Variants in TRIM2 observed in about 807,000 individuals in gnomAD.
TRIM2 encodes tripartite motif-containing protein 2.
TRIM2 carries 20 observed loss-of-function variants against 75.2 expected under a neutral mutation model. The observed-to-expected ratio is 0.27, with a 90% CI of 0.19 to 0.39. The LOEUF (loss-of-function observed/expected upper bound fraction) is 0.39, where lower values mean the gene tolerates loss of function less well. Ranked by LOEUF, TRIM2 falls within the 10% of genes least tolerant of loss-of-function variation. The pLI, the probability that TRIM2 is intolerant of heterozygous loss-of-function variation, is 1.00. For synonymous variants in TRIM2, 373 were observed against 388.3 expected (o/e 0.96, Z 0.46); for missense variants, 660 against 990.8 (o/e 0.67, Z 4.48).
At chr4:153,259,395 T>C (rs917917367) in intron 1 of TRIM2, among the ~76,000 whole-genome samples, 1 of 152,186 alleles carries the variant, frequency 6.6e-6, no homozygotes, top group African/African-American at 2.4e-5. Context: ...TTTTATCTCT[T>C]TTTATTAGGT....
intron 1 of TRIM2, among the ~76,000 whole-genome samples, chr4:153,226,781 GA>G (rs1742241199): frequency 6.6e-6 from 1 of 152,134 alleles, no homozygotes; most frequent in Non-Finnish European, 1.5e-5. Flanking sequence ...TAAGACTCCT[GA>G]AAAGAGAGAT....
intron 1 of TRIM2, among the ~76,000 whole-genome samples, chr4:153,214,793 C>A (rs181796097): frequency 1.2e-4 from 19 of 152,210 alleles, no homozygotes; most frequent in Admixed American, 1.2e-3. Flanking sequence ...GGGTTGGAGC[C>A]TTAAATCTGT....
At chr4:153,219,094 C>T (rs1276402032) in intron 1 of TRIM2, among the ~76,000 whole-genome samples, 2 of 152,150 alleles carry the variant, frequency 1.3e-5, no homozygotes, top group Non-Finnish European at 2.9e-5. Flanking sequence ...AATCTCATAT[C>T]TCTGTGTGCC....
chr4:153,305,660 C>G (rs1764814883), intron 6 of TRIM2, among the ~76,000 whole-genome samples: 1 of 152,198 alleles, frequency 6.6e-6, no homozygotes, highest in Admixed American at 6.5e-5. Context: ...ACCACAAGAA[C>G]AAGCTCAGCT....
chr4:153,250,308 C>T (rs1003172454), intron 1 of TRIM2, among the ~76,000 whole-genome samples: 2 of 151,966 alleles, frequency 1.3e-5, no homozygotes, highest in African/African-American at 2.4e-5. Flanking sequence ...TTAGTAGTGA[C>T]GGGGTTTTGC....
chr4:153,153,868 C>T (rs750852141), intron 1 of TRIM2, among the ~76,000 whole-genome samples: 3 of 152,198 alleles, frequency 2.0e-5, no homozygotes, highest in Non-Finnish European at 4.4e-5. Context: ...TCGCCGCGCC[C>T]AGAACTCGTT....
intron 1 of TRIM2, among the ~76,000 whole-genome samples, chr4:153,223,310 C>T (rs1560839126): frequency 6.6e-6 from 1 of 152,146 alleles, no homozygotes; most frequent in African/African-American, 2.4e-5. Flanking sequence ...CAGTCACCCG[C>T]GTCATGCAGG....
At chr4:153,252,544 C>G (rs934545116) in intron 1 of TRIM2, among the ~76,000 whole-genome samples, 1 of 152,224 alleles carries the variant, frequency 6.6e-6, no homozygotes, top group Non-Finnish European at 1.5e-5. Flanking sequence ...TGGAGTCTCA[C>G]TCTGTCACCC....
chr4:153,202,697 TCAAA>T (rs1734511602), upstream of TRIM2, among the ~76,000 whole-genome samples: 1 of 90,416 alleles, frequency 1.1e-5, no homozygotes, highest in African/African-American at 5.8e-5. Flanking sequence ...AGACTCTGTC[TCAAA>T]AAAAAAAAAA....
intron 1 of TRIM2, among the ~76,000 whole-genome samples, chr4:153,184,833 T>C (rs1732429789): frequency 6.6e-6 from 1 of 152,226 alleles, no homozygotes; most frequent in Non-Finnish European, 1.5e-5. Flanking sequence ...AAGCACATGT[T>C]CTGCTGCCAC....
At chr4:153,185,483 G>A (rs1232726154) in intron 1 of TRIM2, among the ~76,000 whole-genome samples, 1 of 151,938 alleles carries the variant, frequency 6.6e-6, no homozygotes, top group East Asian at 1.9e-4. Context: ...TGTGATGAGT[G>A]GATCTTGAGC....
At chr4:153,250,215 G>A (rs1750527002) in intron 1 of TRIM2, among the ~76,000 whole-genome samples, 1 of 152,040 alleles carries the variant, frequency 6.6e-6, no homozygotes, top group Non-Finnish European at 1.5e-5. Context: ...AGCTTCTTGG[G>A]TTCAAGTGAT....
intron 1 of TRIM2, among the ~76,000 whole-genome samples, chr4:153,227,196 A>C (rs1314445082): frequency 6.6e-6 from 1 of 152,186 alleles, no homozygotes; most frequent in African/African-American, 2.4e-5. Context: ...TGGCAGTGAA[A>C]GGTGTGTTGG....
intron 8 of TRIM2, among the ~76,000 whole-genome samples, chr4:153,317,131 C>T (rs1041611674): frequency 6.7e-6 from 1 of 150,256 alleles, no homozygotes; most frequent in African/African-American, 2.4e-5. Context: ...CCGCCCGCCT[C>T]GGCCTCCCAA....
At chr4:153,227,900 T>C (rs1335722102) in intron 1 of TRIM2, among the ~76,000 whole-genome samples, 1 of 152,198 alleles carries the variant, frequency 6.6e-6, no homozygotes, top group African/African-American at 2.4e-5. Context: ...CTGTGAACAA[T>C]CTCCTTGCAG....
intron 6 of TRIM2, among the ~76,000 whole-genome samples, chr4:153,302,646 A>AG (rs1764154076): frequency 6.6e-6 from 1 of 152,208 alleles, no homozygotes; most frequent in South Asian, 2.1e-4. Flanking sequence ...TAGTGTGAAA[A>AG]GGTCAAAGGG....
At chr4:153,325,411 T>G (rs1769952832) in intron 10 of TRIM2, among the ~76,000 whole-genome samples, 1 of 152,208 alleles carries the variant, frequency 6.6e-6, no homozygotes, top group Non-Finnish European at 1.5e-5. Context: ...ATCTGCATTC[T>G]CTGCTGAAAC....
chr4:153,239,418 GCTCTCT>G (rs145312123), intron 1 of TRIM2, among the ~76,000 whole-genome samples: 8,457 of 146,976 alleles, frequency 0.058, 287 homozygotes, highest in African/African-American at 0.09. Context: ...TAAAGATAGT[GCTCTCT>G]CTCTCTCTCT....
intron 1 of TRIM2, among the ~76,000 whole-genome samples, chr4:153,205,808 T>A (rs980179988): frequency 1.3e-5 from 2 of 152,178 alleles, no homozygotes; most frequent in African/African-American, 4.8e-5. Flanking sequence ...TAAGTCAGAA[T>A]ACAAAGGGTG....
Sources: allele counts gnomAD v4.1 joint callset (sites outside exome capture counted in the v4.1 genomes callset), GRCh38; gene constraint gnomAD v4.1.1; transcripts MANE v1.5; gene names NCBI Gene and HGNC (gene_info 2026-07-23, HGNC 2026-07-21).